MYO1D: variants seen among roughly 807,000 people sequenced by gnomAD.
The protein encoded by MYO1D is myosin ID.
In MYO1D, 83 loss-of-function variants were observed where a neutral mutation model predicts 122.0. That is an observed-to-expected ratio of 0.68 (90% CI 0.57 to 0.82). MYO1D has a LOEUF of 0.82. Among genes scored for constraint, MYO1D ranks in the 40% least tolerant of loss-of-function variants. The probability of loss-of-function intolerance (pLI) is 0.00; values close to 1 mark genes in which losing one functional copy is unlikely to be tolerated. For missense variants in MYO1D, 1,157 were observed against 1,269.5 expected (o/e 0.91, Z 1.35); for synonymous variants, 464 against 446.9 (o/e 1.04, Z -0.48).
At chr17:32,503,592 GT>G (rs1909394657) in intron 21 of MYO1D, among the ~76,000 whole-genome samples, 2 of 152,220 alleles carry the variant, frequency 1.3e-5, no homozygotes, top group Non-Finnish European at 1.5e-5. Context: ...GTTCTCTCAA[GT>G]TTGGTAACAG....
chr17:32,784,986 T>C (rs1036462948), intron 1 of MYO1D, among the ~76,000 whole-genome samples: 16 of 152,160 alleles, frequency 1.1e-4, no homozygotes, highest in Admixed American at 6.5e-4. Flanking sequence ...GAGTTTACAT[T>C]TGATGTGACT....
intron 21 of MYO1D, among the ~76,000 whole-genome samples, chr17:32,506,821 A>G (rs1278744550): frequency 6.6e-6 from 1 of 152,200 alleles, no homozygotes; most frequent in African/African-American, 2.4e-5. Flanking sequence ...TGCTGGAGAA[A>G]AAGCTCATTA....
intron 16 of MYO1D, among the ~76,000 whole-genome samples, chr17:32,711,485 A>G (rs192210192): frequency 1.6e-3 from 241 of 152,248 alleles, no homozygotes; most frequent in African/African-American, 5.5e-3. Flanking sequence ...ATCTCTACTA[A>G]AAACACAAAA....
intron 14 of MYO1D, among the ~76,000 whole-genome samples, chr17:32,734,516 G>A (rs903740524): frequency 6.6e-6 from 1 of 151,928 alleles, no homozygotes; most frequent in Non-Finnish European, 1.5e-5. Flanking sequence ...GTTGTGCTTA[G>A]CTCATTAACT....
At chr17:32,813,512 G>A (rs2090589538) in intron 1 of MYO1D, among the ~76,000 whole-genome samples, 1 of 152,178 alleles carries the variant, frequency 6.6e-6, no homozygotes, top group Non-Finnish European at 1.5e-5. Context: ...GAGTGGGAAA[G>A]AGTAGTGTGC....
chr17:32,677,590 T>TAC (rs950738890), intron 16 of MYO1D, among the ~76,000 whole-genome samples: 4 of 14,746 alleles, frequency 2.7e-4, no homozygotes, highest in Admixed American at 6.1e-4. Context: ...AATATATATA[T>TAC]ATATATATAT....
At chr17:32,596,123 T>C (rs1597918613) in intron 21 of MYO1D, among the ~76,000 whole-genome samples, 1 of 152,210 alleles carries the variant, frequency 6.6e-6, no homozygotes. Flanking sequence ...CAATAATTAT[T>C]TTAAATAGCT....
At chr17:32,550,475 T>C (rs1157789616) in intron 21 of MYO1D, among the ~76,000 whole-genome samples, 2 of 152,306 alleles carry the variant, frequency 1.3e-5, no homozygotes, top group Non-Finnish European at 2.9e-5. Context: ...CACTGTCTCA[T>C]GATCTAACCT....
intron 13 of MYO1D, among the ~76,000 whole-genome samples, chr17:32,742,916 T>C (rs114888581): frequency 4.0e-4 from 61 of 152,370 alleles, no homozygotes; most frequent in African/African-American, 1.3e-3. Flanking sequence ...TCTTCAATGC[T>C]ACATGGAAAC....
chr17:32,502,189 G>A (rs1479591082), intron 21 of MYO1D, among the ~76,000 whole-genome samples: 1 of 152,224 alleles, frequency 6.6e-6, no homozygotes, highest in Non-Finnish European at 1.5e-5. Flanking sequence ...TAAACAAAAT[G>A]TGGTACATCC....
At position 32,512,559 on chromosome 17, in the gene MYO1D, G is replaced by A. The variant is rs115358131; in HGVS notation, c.2865-17644C>T. Among the ~76,000 whole-genome samples the A allele has an allele frequency of 5.9e-3, 834 of 141,778 alleles. 8 individuals are homozygous for A. Among genetic ancestry groups the A allele is most frequent in the African/African-American group, 0.024 (749 of 31,704 alleles). The allele number at this position is 141,778 out of a possible 152,430, so 93.0% of individuals were successfully genotyped here. A position where few individuals can be genotyped will look rare whatever the true frequency, so the allele number is the denominator to read the frequency against. On this transcript the variant is annotated intron_variant, in intron 21 of 21. Coordinates refer to ENST00000318217, the MANE Select transcript of MYO1D (RefSeq NM_015194.3). ...CTCTTAGGCTGTGTCCTGGCTTTGC[G>A]TGGCTTTGCTATGCACATGCATCAC...
chr17:32,521,854 T>C (rs1597873440), intron 21 of MYO1D, among the ~76,000 whole-genome samples: 1 of 151,212 alleles, frequency 6.6e-6, no homozygotes, highest in Non-Finnish European at 1.5e-5. Context: ...GAGGCCGAGG[T>C]GGGGGAATCA....
At chr17:32,565,607 A>C (rs2087165967) in intron 21 of MYO1D, among the ~76,000 whole-genome samples, 1 of 152,174 alleles carries the variant, frequency 6.6e-6, no homozygotes, top group Non-Finnish European at 1.5e-5. Flanking sequence ...TCTACTCAGG[A>C]CTGAACTGAG....
chr17:32,658,093 T>C (rs2088502711), intron 17 of MYO1D, among the ~76,000 whole-genome samples: 1 of 152,212 alleles, frequency 6.6e-6, no homozygotes, highest in Non-Finnish European at 1.5e-5. Flanking sequence ...TGAGGTACTT[T>C]TGTTTTCAAT....
Position 32,760,308 on chromosome 17 carries a change from T to C in MYO1D, c.1278A>G (p.Glu426=). The C allele has an allele frequency of 6.2e-7, 1 of 1,609,436 alleles. No homozygotes were observed. The highest frequency in any genetic ancestry group is 1.1e-5 in the South Asian group (1 of 90,590). ...CACTCACATGTTTCCAGGGGATCCC[T>C]TCCCGCTGGTATTCCTCTTGTTCTT... ...LKQEQEEYQR[E]GIPWKHIDYF... The change falls in exon 10 of 22, where the codon GAA becomes GAG. Residue 426 remains glutamate, a synonymous_variant. Coordinates refer to ENST00000318217, the MANE Select transcript of MYO1D (RefSeq NM_015194.3).
At chr17:32,648,878 C>T (rs1295784448) in intron 19 of MYO1D, among the ~76,000 whole-genome samples, 1 of 152,092 alleles carries the variant, frequency 6.6e-6, no homozygotes, top group East Asian at 1.9e-4. Context: ...TCTCTGCTTT[C>T]TTTTGCATTG....
At chr17:32,867,061 A>G (rs1416926532) in intron 1 of MYO1D, among the ~76,000 whole-genome samples, 3 of 152,160 alleles carry the variant, frequency 2.0e-5, no homozygotes, top group African/African-American at 7.2e-5. Context: ...CTCTGTAGGA[A>G]GCCCTTAAAA....
At chr17:32,510,332 T>C (rs553490679) in intron 21 of MYO1D, 2 of 152,406 alleles carry the variant, frequency 1.3e-5, no homozygotes, top group East Asian at 3.9e-4. Flanking sequence ...GGTTTGGACA[T>C]TCTGACCCAG....
At chr17:32,786,311 A>C (rs1045894878) in intron 1 of MYO1D, among the ~76,000 whole-genome samples, 2 of 152,228 alleles carry the variant, frequency 1.3e-5, no homozygotes, top group Non-Finnish European at 2.9e-5. Flanking sequence ...GAAAAAGTGC[A>C]GTGGCTCTGC....
Sources: allele counts gnomAD v4.1 joint callset (sites outside exome capture counted in the v4.1 genomes callset), GRCh38; gene constraint gnomAD v4.1.1; transcripts MANE v1.5; gene names NCBI Gene and HGNC (gene_info 2026-07-23, HGNC 2026-07-21).